Variants in ZCCHC2 observed in about 807,000 individuals in gnomAD.
ZCCHC2 encodes zinc finger CCHC domain-containing protein 2.
Under a neutral mutation model 103.6 loss-of-function variants are expected in ZCCHC2, and 39 were observed. The ratio of observed to expected loss-of-function variants is 0.38; its 90% confidence interval spans 0.29 to 0.49. ZCCHC2 has a LOEUF of 0.49. ZCCHC2 is among the 20% of genes least tolerant of loss of function. The pLI is 0.96. For synonymous variants in ZCCHC2, 687 were observed against 608.9 expected (o/e 1.13, Z -1.89); for missense variants, 1,483 against 1,491.0 (o/e 0.99, Z 0.09).
intron 5 of ZCCHC2, among the ~76,000 whole-genome samples, chr18:62,555,202 G>GT (rs1450169769): frequency 6.6e-6 from 1 of 152,152 alleles, no homozygotes; most frequent in East Asian, 1.9e-4. Flanking sequence ...CAAATCCAAA[G>GT]TAAACTTCCT....
chr18:62,583,321 C>G (rs1023316830), downstream of ZCCHC2, among the ~76,000 whole-genome samples: 8 of 127,482 alleles, frequency 6.3e-5, no homozygotes, highest in African/African-American at 2.5e-4. Flanking sequence ...TATGTATGGA[C>G]TGTACAGACA....
At chr18:62,565,165 A>G in intron 11 of ZCCHC2, 69 bp downstream of exon 11, 1 of 1,204,656 alleles carries the variant, frequency 8.3e-7, no homozygotes, top group South Asian at 1.3e-5. Flanking sequence ...TACTGTATTA[A>G]TAGATACTGA....
chr18:62,567,535 C>A (rs374677573), intron 11 of ZCCHC2, among the ~76,000 whole-genome samples: 1 of 152,228 alleles, frequency 6.6e-6, no homozygotes, highest in Non-Finnish European at 1.5e-5. Flanking sequence ...CCTGCCAGGA[C>A]GCAGTCAGCG....
At chr18:62,560,803 C>T (rs748862940) in intron 8 of ZCCHC2, among the ~76,000 whole-genome samples, 159 bp downstream of exon 8, 2 of 151,462 alleles carry the variant, frequency 1.3e-5, no homozygotes, top group Non-Finnish European at 2.9e-5. Context: ...CTTTTTTTGC[C>T]TCCTTTTGGG....
intron 3 of ZCCHC2, among the ~76,000 whole-genome samples, 178 bp downstream of exon 3, chr18:62,542,752 A>G (rs1034728517): frequency 1.3e-5 from 2 of 152,334 alleles, no homozygotes; most frequent in African/African-American, 4.8e-5. Flanking sequence ...TTGAAGTTAC[A>G]TCACATTAAA....
intron 7 of ZCCHC2, 64 bp from the exon 8 acceptor site, chr18:62,560,523 G>A: frequency 7.6e-7 from 1 of 1,319,508 alleles, no homozygotes; most frequent in Non-Finnish European, 1.1e-6. Context: ...CAAACTAGTA[G>A]CATCCTACTG....
chr18:62,531,140 G>A (rs1371296828), intron 1 of ZCCHC2, among the ~76,000 whole-genome samples: 1 of 151,600 alleles, frequency 6.6e-6, no homozygotes, highest in South Asian at 2.1e-4. Flanking sequence ...TGTGTTTTTC[G>A]TTATGGAGGA....
exon 15 of ZCCHC2, chr18:62,585,776 G>T (rs1474644779): frequency 6.6e-6 from 1 of 152,216 alleles, no homozygotes; most frequent in Non-Finnish European, 1.5e-5. Context: ...TGTCATGCAG[G>T]GGACACTTGA....
chr18:62,545,688 T>C (rs1024182731), intron 4 of ZCCHC2, among the ~76,000 whole-genome samples: 21 of 152,232 alleles, frequency 1.4e-4, no homozygotes, highest in Non-Finnish European at 2.9e-4. Context: ...TAAAATTTAT[T>C]GTTAGTAGAG....
At chr18:62,572,359 A>C (rs1468912611) in intron 12 of ZCCHC2, among the ~76,000 whole-genome samples, 2 of 152,246 alleles carry the variant, frequency 1.3e-5, no homozygotes, top group Non-Finnish European at 2.9e-5. Flanking sequence ...GTGTTAGTGT[A>C]CATCTGTACA....
intron 1 of ZCCHC2, among the ~76,000 whole-genome samples, chr18:62,528,707 G>T (rs144842778): frequency 0.011 from 1,625 of 152,260 alleles, 33 homozygotes; most frequent in African/African-American, 0.037. Context: ...AAACATACTG[G>T]AAGAAAACTT....
rs1305286646 is a variant in ZCCHC2 at position 62,559,738 on chromosome 18, TATAA to T, written c.1493-840_1493-837del. On this transcript the variant is annotated intron_variant, in intron 7 of 13. Coordinates refer to ENST00000269499, the MANE Select transcript of ZCCHC2 (RefSeq NM_017742.6). ...TGAACATTTCAAATGTTAGTAATGT[TATAA>T]ATAAATAATGTCTTTGTACTAGGTA... 3.9e-5 allele frequency among the ~76,000 whole-genome samples: 6 copies of T among 152,358 alleles called. No homozygotes were observed. The East Asian group carries it at 7.7e-4, about 20-fold the overall frequency.
chr18:62,585,721 C>G (rs1917153936), exon 15 of ZCCHC2: 1 of 152,234 alleles, frequency 6.6e-6, no homozygotes, highest in Non-Finnish European at 1.5e-5. Flanking sequence ...GGCACACAGA[C>G]ATAAAGCACT....
Position 62,578,297 on chromosome 18 carries a change from A to C in ZCCHC2, c.*1718A>C, listed in dbSNP as rs1402675838. 2 of 152,604 alleles carry C rather than the reference A, an allele frequency of 1.3e-5. No individual in the cohort carries two copies. The highest frequency in any genetic ancestry group is 4.8e-5 in the African/African-American group (2 of 41,444). The allele number at this position is 152,604 out of a possible 1,614,324, so 9.5% of individuals were successfully genotyped here. A position where few individuals can be genotyped will look rare whatever the true frequency, so the allele number is the denominator to read the frequency against. On this transcript the variant is annotated 3_prime_UTR_variant, in exon 14 of 14. Coordinates refer to ENST00000269499, the MANE Select transcript of ZCCHC2 (RefSeq NM_017742.6). ...ATTTTTGGACCACATTATTAAATTAATTGTTAAGCTGCAGTTGAGTTGTTC... is the reference window on the plus strand; with the variant it reads ...ATTTTTGGACCACATTATTAAATTACTTGTTAAGCTGCAGTTGAGTTGTTC...
chr18:62,541,913 A>C (rs1915205581), intron 2 of ZCCHC2, among the ~76,000 whole-genome samples: 1 of 152,204 alleles, frequency 6.6e-6, no homozygotes, highest in Non-Finnish European at 1.5e-5. Flanking sequence ...AATGTAAAAA[A>C]ATTTTGCCAC....
At chr18:62,548,820 G>A (rs1296742409) in intron 4 of ZCCHC2, among the ~76,000 whole-genome samples, 6 of 152,170 alleles carry the variant, frequency 3.9e-5, no homozygotes, top group East Asian at 1.9e-4. Flanking sequence ...AGGTACTCAG[G>A]AGGCCAAGGC....
rs546416941 is a variant in ZCCHC2, at chr18:62,578,460, A to G, written c.*1881A>G. 6.5e-6 allele frequency: 1 copy of G among 152,720 alleles called. No individual in the cohort carries two copies. Among genetic ancestry groups the G allele is most frequent in the South Asian group, 2.1e-4 (1 of 4,822 alleles). The allele number at this position is 152,720 out of a possible 1,614,324, so 9.5% of individuals were successfully genotyped here. A position where few individuals can be genotyped will look rare whatever the true frequency, so the allele number is the denominator to read the frequency against. On this transcript the variant is annotated 3_prime_UTR_variant, in exon 14 of 14. Coordinates refer to ENST00000269499, the MANE Select transcript of ZCCHC2 (RefSeq NM_017742.6). ...TTACCTTCTCCTTATTTGTATGTTT[A>G]CCATATACTTTGATATTTGAAATGT...
intron 1 of ZCCHC2, chr18:62,524,576 C>G (rs761974005): frequency 1.1e-5 from 7 of 658,962 alleles, no homozygotes; most frequent in Non-Finnish European, 1.6e-5. Context: ...CCGGCAGACA[C>G]AGCCACCCGC....
chr18:62,576,716 T>A lies in ZCCHC2; in HGVS notation c.*137T>A. The A allele has an allele frequency of 1.3e-6, 1 of 797,394 alleles. No individual in the cohort carries two copies. Among genetic ancestry groups the A allele is most frequent in the Non-Finnish European group, 2.0e-6 (1 of 506,310 alleles). The allele number at this position is 797,394 out of a possible 1,614,324, so 49.4% of individuals were successfully genotyped here. A position where few individuals can be genotyped will look rare whatever the true frequency, so the allele number is the denominator to read the frequency against. ...ATGCAGTTGGGATTTTTCATTTCTC[T>A]TGTACCAATGTCCAAAACAAGAAAG... is the stretch of plus-strand genomic sequence containing the variant. On this transcript the variant is annotated 3_prime_UTR_variant, in exon 14 of 14. Coordinates refer to ENST00000269499, the MANE Select transcript of ZCCHC2 (RefSeq NM_017742.6).
Sources: gnomAD v4.1 joint callset for allele counts (sites outside exome capture counted in the v4.1 genomes callset) on GRCh38, gnomAD v4.1.1 for gene constraint, MANE v1.5 for transcripts, NCBI Gene and HGNC (gene_info 2026-07-23, HGNC 2026-07-21) for gene names.